MTA3: variants seen among roughly 807,000 people sequenced by gnomAD.
MTA3 encodes metastasis-associated protein MTA3.
MTA3 carries 34 observed loss-of-function variants against 83.5 expected under a neutral mutation model. That is an observed-to-expected ratio of 0.41 (90% CI 0.31 to 0.54). MTA3 has a LOEUF of 0.54. Ranked by LOEUF, MTA3 falls within the 20% of genes least tolerant of loss-of-function variation. The pLI is 0.33. For missense variants in MTA3, 761 were observed against 726.4 expected, an observed-to-expected ratio of 1.05 and a Z score of -0.55; for synonymous variants, 303 against 252.7, an observed-to-expected ratio of 1.20 and a Z score of -1.89.
In MTA3 at chr2:42,722,987, C is replaced by T; in HGVS notation, c.1711C>T (p.Leu571=). 6.4e-7 allele frequency: 1 copy of T among 1,551,120 alleles called. No individual in the cohort carries two copies. The highest frequency in any genetic ancestry group is 1.2e-5 in the South Asian group (1 of 84,066). The change falls in exon 16 of 17, where the codon CTG becomes TTG. Residue 571 remains leucine (L), a synonymous_variant. Coordinates refer to ENST00000405094, the MANE Select transcript of MTA3 (RefSeq NM_001330442.2). The part of the protein sequence containing the change: ...RMLTTPNHTS[L]SILGKRNYSH... Reference sequence around the variant, plus strand: ...GCTAACAACTCCAAATCACACATCTCTGAGCATTCTGGGGAAAAGAAACTA... The same window carrying T: ...GCTAACAACTCCAAATCACACATCTTTGAGCATTCTGGGGAAAAGAAACTA...
At chr2:42,741,105 C>G (rs145303937) in intron 16 of MTA3, among the ~76,000 whole-genome samples, 1 of 152,348 alleles carries the variant, frequency 6.6e-6, no homozygotes, top group African/African-American at 2.4e-5. Flanking sequence ...TTTACTTGCA[C>G]TTTTATGTTT....
chr2:42,571,344 G>A (rs1415093944), intron 2 of MTA3, among the ~76,000 whole-genome samples: 3 of 137,228 alleles, frequency 2.2e-5, no homozygotes, highest in Admixed American at 8.2e-5. Flanking sequence ...CTGAGATCAC[G>A]CCATTGCACT....
At chr2:42,522,728 G>A (rs369391144) in intron 2 of MTA3, among the ~76,000 whole-genome samples, 1 of 151,062 alleles carries the variant, frequency 6.6e-6, no homozygotes, top group Admixed American at 6.6e-5. Context: ...GGGAGAGAGA[G>A]ACCCTGTCTC....
chr2:42,736,038 T>C (rs1668586613), intron 16 of MTA3, among the ~76,000 whole-genome samples: 1 of 152,198 alleles, frequency 6.6e-6, no homozygotes, highest in South Asian at 2.1e-4. Context: ...TAGGTATTTG[T>C]TGTAGTCTTC....
At chr2:42,495,777 C>G (rs1335615897) in intron 2 of MTA3, among the ~76,000 whole-genome samples, 1 of 152,098 alleles carries the variant, frequency 6.6e-6, no homozygotes, top group Non-Finnish European at 1.5e-5. Context: ...AGGAAGATGC[C>G]TTTGCACTTT....
rs1434214937 is a variant in MTA3 at position 42,754,765 on chromosome 2, A to G, written c.*1366A>G. On this transcript the variant is annotated 3_prime_UTR_variant, in exon 17 of 17. Coordinates refer to ENST00000405094, the MANE Select transcript of MTA3 (RefSeq NM_001330442.2). ...AGCTGTTGCAAGACAGAGTGGCTAC[A>G]ATTGAATTGACACCCTGGGAAGCAC... The G allele has an allele frequency of 1.0e-6, 1 of 985,334 alleles. No homozygotes were observed. Among genetic ancestry groups the G allele is most frequent in the Non-Finnish European group, 1.2e-6 (1 of 829,962 alleles). The allele number at this position is 985,334 out of a possible 1,614,324, so 61.0% of individuals were successfully genotyped here.
intron 6 of MTA3, among the ~76,000 whole-genome samples, chr2:42,645,884 C>G (rs1558538545): frequency 6.6e-6 from 1 of 152,238 alleles, no homozygotes; most frequent in Non-Finnish European, 1.5e-5. Context: ...CTCTGAACAA[C>G]AGAGTTTCAA....
At chr2:42,562,234 C>G (rs1677704873) in intron 2 of MTA3, among the ~76,000 whole-genome samples, 1 of 152,152 alleles carries the variant, frequency 6.6e-6, no homozygotes, top group African/African-American at 2.4e-5. Context: ...TTAATTATAT[C>G]TGCAAACACA....
chr2:42,566,537 T>G (rs1186898807), upstream of MTA3, among the ~76,000 whole-genome samples: 1 of 152,152 alleles, frequency 6.6e-6, no homozygotes, highest in African/African-American at 2.4e-5. Flanking sequence ...CTCCTGCTAG[T>G]CCCCTTCAAG....
chr2:42,636,814 A>C (rs968007151), intron 4 of MTA3, among the ~76,000 whole-genome samples: 2 of 151,696 alleles, frequency 1.3e-5, no homozygotes, highest in East Asian at 3.9e-4. Flanking sequence ...TTTAGTAGAG[A>C]CAGGGCTTCA....
chr2:42,532,294 T>A (rs1676016185), intron 2 of MTA3, among the ~76,000 whole-genome samples: 1 of 152,188 alleles, frequency 6.6e-6, no homozygotes, highest in Non-Finnish European at 1.5e-5. Flanking sequence ...GTGGATCACT[T>A]GAGGTCAGTA....
At chr2:42,719,320 T>C (rs909929792) in intron 15 of MTA3, among the ~76,000 whole-genome samples, 1 of 152,162 alleles carries the variant, frequency 6.6e-6, no homozygotes, top group Non-Finnish European at 1.5e-5. Context: ...AATAAAAATG[T>C]AATATATATT....
At chr2:42,746,206 T>C (rs1669408208) in intron 16 of MTA3, among the ~76,000 whole-genome samples, 1 of 152,178 alleles carries the variant, frequency 6.6e-6, no homozygotes, top group African/African-American at 2.4e-5. Context: ...TTTTCCCTGG[T>C]TTTTAGGATT....
chr2:42,709,268 A>C (rs1198340929), intron 14 of MTA3, 172 bp downstream of exon 14: 1 of 1,381,620 alleles, frequency 7.2e-7, no homozygotes, highest in Admixed American at 3.6e-5. Context: ...CATTTGTATC[A>C]TGCCAACCTG....
At chr2:42,584,152 TA>T (rs1468151212) in intron 3 of MTA3, among the ~76,000 whole-genome samples, 2 of 151,706 alleles carry the variant, frequency 1.3e-5, no homozygotes, top group Non-Finnish European at 2.9e-5. Context: ...TACGAACTCT[TA>T]AAAAAAACAA....
intron 3 of MTA3, among the ~76,000 whole-genome samples, chr2:42,586,010 G>A (rs574927346): frequency 3.9e-4 from 60 of 152,000 alleles, no homozygotes; most frequent in Non-Finnish European, 7.6e-4. Flanking sequence ...AGGGCCAGGC[G>A]CAGTGGCTCA....
upstream of MTA3, chr2:42,568,631 C>T (rs1461578531): frequency 3.4e-6 from 2 of 590,756 alleles, no homozygotes; most frequent in Non-Finnish European, 4.7e-6. Flanking sequence ...CCTTCCCCCC[C>T]GTGGCGAGGC....
chr2:42,661,959 CAG>C (rs1472126705), intron 8 of MTA3, among the ~76,000 whole-genome samples: 1 of 152,120 alleles, frequency 6.6e-6, no homozygotes, highest in Non-Finnish European at 1.5e-5. Flanking sequence ...GCCACTGTAA[CAG>C]ATCTGCTATG....
intron 9 of MTA3, among the ~76,000 whole-genome samples, chr2:42,688,652 C>T (rs939936922): frequency 2.8e-5 from 4 of 142,770 alleles, no homozygotes; most frequent in South Asian, 2.2e-4. Flanking sequence ...TCCTAATCTG[C>T]AGCTTTTATA....
Sources: allele counts gnomAD v4.1 joint callset (sites outside exome capture counted in the v4.1 genomes callset), GRCh38; gene constraint gnomAD v4.1.1; transcripts MANE v1.5; gene names NCBI Gene and HGNC (gene_info 2026-07-23, HGNC 2026-07-21).